Variants in PPP2R5C observed in about 807,000 individuals in gnomAD.
PPP2R5C encodes protein phosphatase 2 regulatory subunit B'gamma, also known as serine/threonine-protein phosphatase 2A 56 kDa regulatory subunit gamma isoform.
Under a neutral mutation model 68.9 loss-of-function variants are expected in PPP2R5C, and 7 were observed. The observed-to-expected ratio is 0.10, with a 90% CI of 0.06 to 0.19. The LOEUF is 0.19. Among genes scored for constraint, PPP2R5C ranks in the 10% least tolerant of loss-of-function variants. PPP2R5C has a pLI of 1.00. For missense variants in PPP2R5C, 348 were observed against 641.3 expected (o/e 0.54, Z 4.94); for synonymous variants, 210 against 222.2 (o/e 0.95, Z 0.49).
chr14:101,798,829 G>C (rs1012313139), intron 3 of PPP2R5C, among the ~76,000 whole-genome samples: 2 of 152,188 alleles, frequency 1.3e-5, no homozygotes, highest in Admixed American at 1.3e-4. Context: ...GGCCAGCGTA[G>C]AAGGCAGGTA....
rs1158138948 is a variant in PPP2R5C at position 101,899,195 on chromosome 14, A to G, written c.853-2524A>G. 6.6e-6 allele frequency among the ~76,000 whole-genome samples: 1 copy of G among 152,268 alleles called. No homozygotes were observed. The highest frequency in any genetic ancestry group is 1.5e-5 in the Non-Finnish European group (1 of 68,040). ...ATAACAAAAGCTCATCAGAGATTTTACAGAAGTAAAACTGTGTTCCGTTTT... is the reference window on the plus strand; with the variant it reads ...ATAACAAAAGCTCATCAGAGATTTTGCAGAAGTAAAACTGTGTTCCGTTTT... On this transcript the variant is annotated intron_variant, in intron 8 of 13. Transcript: ENST00000334743. The surrounding 1 kb of genome is among the most constrained non-coding windows in gnomAD (Gnocchi z 4.2).
intron 3 of PPP2R5C, among the ~76,000 whole-genome samples, chr14:101,791,237 T>C (rs578093859): frequency 1.3e-5 from 2 of 152,384 alleles, no homozygotes; most frequent in Admixed American, 1.3e-4. Flanking sequence ...AGCTTAATTC[T>C]TGTGGGTGTG....
intron 13 of PPP2R5C, among the ~76,000 whole-genome samples, chr14:101,923,324 C>G (rs1853500753): frequency 6.6e-6 from 1 of 152,210 alleles, no homozygotes; most frequent in African/African-American, 2.4e-5. Context: ...CAGCTCCAAG[C>G]TTTTTACTGT....
chr14:101,863,644 C>T (rs2042887741), intron 2 of PPP2R5C, among the ~76,000 whole-genome samples: 1 of 152,088 alleles, frequency 6.6e-6, no homozygotes, highest in South Asian at 2.1e-4. Flanking sequence ...CACCTGTAAT[C>T]CCAGCACTTT....
chr14:101,790,073 A>G (rs1019736520), intron 3 of PPP2R5C, among the ~76,000 whole-genome samples: 2 of 151,342 alleles, frequency 1.3e-5, no homozygotes, highest in Non-Finnish European at 2.9e-5. Flanking sequence ...ATCTTTAATT[A>G]TCCTATGTCT....
intron 11 of PPP2R5C, 26 bp from the exon 14 acceptor site, chr14:101,912,375 A>C: frequency 6.3e-7 from 1 of 1,577,232 alleles, no homozygotes; most frequent in Non-Finnish European, 8.6e-7. Context: ...CATCTCTAAC[A>C]CAGATGACAT....
intron 2 of PPP2R5C, among the ~76,000 whole-genome samples, chr14:101,869,469 G>GT (rs142390765): frequency 0.01 from 1,559 of 152,264 alleles, 14 homozygotes; most frequent in Non-Finnish European, 0.016. Flanking sequence ...TAGGTGAATG[G>GT]TAAGTGTGTG....
intron 1 of PPP2R5C, among the ~76,000 whole-genome samples, chr14:101,837,967 C>T (rs116298625): frequency 0.01 from 1,563 of 152,218 alleles, 27 homozygotes; most frequent in African/African-American, 0.036. Flanking sequence ...GCCGTGTTCT[C>T]ATGTGCAGAA....
intron 3 of PPP2R5C, among the ~76,000 whole-genome samples, chr14:101,793,360 TTTAACA>T (rs1352245870): frequency 6.6e-6 from 1 of 152,240 alleles, no homozygotes; most frequent in East Asian, 1.9e-4. Context: ...TAAATTTAAT[TTTAACA>T]TTATAGTGTT....
At chr14:101,890,887 C>T (rs147209754) in intron 6 of PPP2R5C, among the ~76,000 whole-genome samples, 2,687 of 151,464 alleles carry the variant, frequency 0.018, 51 homozygotes, top group African/African-American at 0.04. Context: ...ATTCTGCTGC[C>T]TCAGCCTCCC....
At chr14:101,834,626 T>C (rs1487350844) in intron 1 of PPP2R5C, among the ~76,000 whole-genome samples, 9 of 152,200 alleles carry the variant, frequency 5.9e-5, no homozygotes. Flanking sequence ...TATGAGGTCA[T>C]AGAATGCATG....
intron 5 of PPP2R5C, among the ~76,000 whole-genome samples, chr14:101,889,457 C>G (rs376558255): frequency 6.6e-6 from 1 of 152,196 alleles, no homozygotes; most frequent in South Asian, 2.1e-4. Context: ...ATTCAGCAGA[C>G]GTGTTTTCAG....
intron 5 of PPP2R5C, chr14:101,889,963 A>T (rs2044758283): frequency 1.8e-6 from 1 of 553,638 alleles, no homozygotes; most frequent in African/African-American, 1.9e-5. Context: ...TCACTGTAGA[A>T]TTCTTTCCGT....
At chr14:101,894,953 T>C (rs1199987065) in intron 8 of PPP2R5C, among the ~76,000 whole-genome samples, 1 of 152,208 alleles carries the variant, frequency 6.6e-6, no homozygotes, top group Non-Finnish European at 1.5e-5. Flanking sequence ...ATTATTGTTG[T>C]ACTAAAGAGG....
Position 101,872,038 on chromosome 14 carries a change from T to C in PPP2R5C, c.295-10123T>C, listed in dbSNP as rs1387451119. ...GTTTTCGGGTATTAAAAATCTTTTA[T>C]ATTTACCCAGATAGTTACAATTTTC... On this transcript the variant is annotated intron_variant, in intron 2 of 13. Transcript: ENST00000334743. 9.9e-5 allele frequency among the ~76,000 whole-genome samples: 15 copies of C among 152,082 alleles called. 1 individual carries two copies. Among genetic ancestry groups the C allele is most frequent in the Admixed American group, 9.8e-4 (15 of 15,262 alleles).
Position 101,924,445 on chromosome 14 carries a change from C to CTTTTTTTTTTT in PPP2R5C, c.1444-694_1444-684dup, listed in dbSNP as rs11325673. On this transcript the variant is annotated intron_variant, in intron 13 of 13. Transcript: ENST00000334743. ...TTTACCTCCAAGGAAATTTCTACAT[C>CTTTTTTTTTTT]TTTTTTTTTTTTGAGATGGAGTCTG... Among the ~76,000 whole-genome samples the CTTTTTTTTTTT allele has an allele frequency of 3.1e-3, 265 of 84,518 alleles. 47 individuals are homozygous for CTTTTTTTTTTT. The highest frequency in any genetic ancestry group is 4.0e-3 in the South Asian group (9 of 2,236). 55.4% of individuals were successfully genotyped at this position (84,518 alleles called of 152,430 possible).
At chr14:101,765,259 G>A (rs2139931617) in intron 2 of PPP2R5C, 2 of 702,726 alleles carry the variant, frequency 2.8e-6, no homozygotes, top group Middle Eastern at 2.3e-4. Flanking sequence ...AGGCAACCTG[G>A]CATATTAAGC....
At chr14:101,785,563 C>T (rs1323831761) in intron 2 of PPP2R5C, among the ~76,000 whole-genome samples, 1 of 152,192 alleles carries the variant, frequency 6.6e-6, no homozygotes, top group Non-Finnish European at 1.5e-5. Flanking sequence ...TCTTGTCTCC[C>T]TCCTGCCTCC....
intron 1 of PPP2R5C, among the ~76,000 whole-genome samples, chr14:101,841,506 G>A (rs187577824): frequency 2.1e-4 from 32 of 152,272 alleles, no homozygotes; most frequent in African/African-American, 4.1e-4. Flanking sequence ...TGAAAGACAC[G>A]GGGCCGGCTC....
Sources: gnomAD v4.1 joint callset for allele counts (sites outside exome capture counted in the v4.1 genomes callset) on GRCh38, gnomAD v4.1.1 for gene constraint, Gnocchi (gnomAD v3.1) non-coding constraint, MANE v1.5 for transcripts, NCBI Gene and HGNC (gene_info 2026-07-23, HGNC 2026-07-21) for gene names.